Variants in C1QL1 observed in about 807,000 individuals in gnomAD.
The protein encoded by C1QL1 is C1q-related factor.
Under a neutral mutation model 14.2 loss-of-function variants are expected in C1QL1, and 15 were observed. The ratio of observed to expected loss-of-function variants is 1.06; its 90% CI spans 0.71 to 1.62. The LOEUF (loss-of-function observed/expected upper bound fraction) is 1.62, where lower values mean the gene tolerates loss of function less well. Among genes scored for constraint, C1QL1 ranks in the 40% most tolerant of loss-of-function variants. The probability of loss-of-function intolerance (pLI) is 0.00; values close to 1 mark genes in which losing one functional copy is unlikely to be tolerated. For missense variants in C1QL1, 346 were observed against 380.3 expected, an observed-to-expected ratio of 0.91 and a Z score of 0.75; for synonymous variants, 172 against 172.4, an observed-to-expected ratio of 1.00 and a Z score of 0.02.
At position 44,967,863 on chromosome 17, in the gene C1QL1, G is replaced by A; in HGVS notation, c.186C>T (p.Ser62=). 1 of 1,318,670 alleles carries A rather than the reference G, an allele frequency of 7.6e-7. No homozygotes were observed. Among genetic ancestry groups the A allele is most frequent in the Non-Finnish European group, 9.6e-7 (1 of 1,044,422 alleles). The allele number at this position is 1,318,670 out of a possible 1,614,324, so 81.7% of individuals were successfully genotyped here. Reference sequence around the variant, plus strand: ...TCCCCTGGGGGCCCTGCACCAGCGTGGAAGGCGGGGGCGCGCCGCTCTGCT... The same window carrying A: ...TCCCCTGGGGGCCCTGCACCAGCGTAGAAGGCGGGGGCGCGCCGCTCTGCT... ...LSEQSGAPPP[S]TLVQGPQGKP... The change falls in exon 1 of 2, where the codon TCC becomes TCT. Residue 62 remains serine (S), a synonymous_variant. Coordinates refer to ENST00000253407, the MANE Select transcript of C1QL1 (RefSeq NM_006688.5). The surrounding 1 kb of genome is among the most constrained non-coding windows in gnomAD (Gnocchi z 7.0).
rs779479035 is a variant in C1QL1, at chr17:44,967,442, C to A, written c.597+10G>T. The A allele has an allele frequency of 6.2e-7, 1 of 1,612,212 alleles. No individual in the cohort carries two copies. The highest frequency in any genetic ancestry group is 8.5e-7 in the Non-Finnish European group (1 of 1,179,302). ...GGCCCAGCCCAGCCCCATGCCCCCG[C>A]CTGGCCCACCTGGCCATTCTTGCAG... is the stretch of plus-strand genomic sequence containing the variant. On this transcript the variant is annotated intron_variant, in intron 1 of 1. Coordinates refer to ENST00000253407, the MANE Select transcript of C1QL1 (RefSeq NM_006688.5). This position sits in a 1 kb window ranked among gnomAD's most constrained non-coding sequence, Gnocchi z 7.0.
At position 44,967,532 on chromosome 17, in the gene C1QL1, T is replaced by G; in HGVS notation, c.517A>C (p.Thr173Pro). The change falls in exon 1 of 2, where the codon ACC becomes CCC. Residue 173 changes from threonine (T) to proline (P), a missense_variant. Physicochemically the swap from Thr to Pro is conservative, Grantham distance 38. Transcript: ENST00000253407. This position sits in a 1 kb window ranked among gnomAD's most constrained non-coding sequence, Gnocchi z 7.0. ...SGKFTCNIPG[T>P]YFFTYHVLMR... The stretch of plus-strand genomic sequence containing the variant: ...AGGACATGGTAGGTGAAAAAGTAGG[T>G]GCCGGGAATGTTGCACGTAAACTTG... 15 of 1,614,010 alleles carry G rather than the reference T, an allele frequency of 9.3e-6. No individual in the cohort carries two copies. Among genetic ancestry groups the G allele is most frequent in the Non-Finnish European group, 1.3e-5 (15 of 1,179,932 alleles).
chr17:44,963,229 G>C (rs1224163962), intron 1 of C1QL1, among the ~76,000 whole-genome samples: 1 of 152,180 alleles, frequency 6.6e-6, no homozygotes, highest in Non-Finnish European at 1.5e-5. Context: ...ATCAATGCTG[G>C]GGTCTTGGGT....
chr17:44,960,657 G>A (rs540301090), intron 1 of C1QL1, among the ~76,000 whole-genome samples: 1 of 152,206 alleles, frequency 6.6e-6, no homozygotes, highest in Non-Finnish European at 1.5e-5. Context: ...CCCTCCAGCT[G>A]GCTGAGAACC....
chr17:44,963,820 T>C (rs2052641345), intron 1 of C1QL1, among the ~76,000 whole-genome samples: 1 of 152,190 alleles, frequency 6.6e-6, no homozygotes, highest in African/African-American at 2.4e-5. Context: ...CCATTGGTGA[T>C]ACTCACCTCC....
chr17:44,967,565 C>A lies in C1QL1; in HGVS notation c.484G>T (p.Ala162Ser). The A allele has an allele frequency of 1.2e-6, 2 of 1,614,118 alleles. No homozygotes were observed. Among genetic ancestry groups the A allele is most frequent in the Middle Eastern group, 1.6e-4 (1 of 6,062 alleles). ...VTNLGNNYDAASGKFTCNIPG... is the reference protein window; with the variant it reads ...VTNLGNNYDASSGKFTCNIPG... ...ATGTTGCACGTAAACTTGCCGCTGGCCGCGTCGTAGTTGTTGCCTAGGTTG... is the reference window on the plus strand; with the variant it reads ...ATGTTGCACGTAAACTTGCCGCTGGACGCGTCGTAGTTGTTGCCTAGGTTG... Residue 162 changes from alanine (A) to serine (S), a missense_variant, in exon 1 of 2, where the codon GCC becomes TCC. Ala to Ser is a moderately conservative substitution (Grantham distance 99). Transcript: ENST00000253407. The surrounding 1 kb of genome is among the most constrained non-coding windows in gnomAD (Gnocchi z 7.0).
intron 1 of C1QL1, among the ~76,000 whole-genome samples, chr17:44,961,872 G>T (rs1360908517): frequency 7.1e-6 from 1 of 140,444 alleles, no homozygotes; most frequent in Non-Finnish European, 1.5e-5. Context: ...CGGCCTGGGC[G>T]ACAGAGCGAG....
chr17:44,960,525 A>G (rs1296992526), intron 1 of C1QL1, among the ~76,000 whole-genome samples, 158 bp from the exon 2 acceptor site: 1 of 152,158 alleles, frequency 6.6e-6, no homozygotes, highest in African/African-American at 2.4e-5. Flanking sequence ...CCCCCTTCCA[A>G]TCATACAGGA....
chr17:44,960,442 T>A, intron 1 of C1QL1, 75 bp from the exon 2 acceptor site: 1 of 1,066,542 alleles, frequency 9.4e-7, no homozygotes, highest in Non-Finnish European at 1.4e-6. Flanking sequence ...GGCAGTCCCG[T>A]GGGGGAGGAT....
chr17:44,968,138 T>A lies in C1QL1; in HGVS notation c.-90A>T. 1 of 825,416 alleles carries A rather than the reference T, an allele frequency of 1.2e-6. No homozygotes were observed. Among genetic ancestry groups the A allele is most frequent in the Non-Finnish European group, 1.6e-6 (1 of 643,958 alleles). The allele number at this position is 825,416 out of a possible 1,614,324, so 51.1% of individuals were successfully genotyped here. A position where few individuals can be genotyped will look rare whatever the true frequency, so the allele number is the denominator to read the frequency against. On this transcript the variant is annotated 5_prime_UTR_variant, in exon 1 of 2. Transcript: ENST00000253407. ...CCGCCCGGCCGCGCCGTCGGGGCAA[T>A]GGTGCCGGCGGGCAGGGGGCGCGGG... is the stretch of plus-strand genomic sequence containing the variant.
In C1QL1 at chr17:44,967,668, C is replaced by T. The variant is rs775508327; in HGVS notation, c.381G>A (p.Val127=). Residue 127 remains valine (V), a synonymous_variant, in exon 1 of 2, where the codon GTG becomes GTA. Transcript: ENST00000253407. The surrounding 1 kb of genome is among the most constrained non-coding windows in gnomAD (Gnocchi z 7.0). ...GGCCGGCGTAGAAGGCCACGCGCGG[C>T]ACCGTGGTGTAGGTGGCAGTGCTGA... ...GAISTATYTT[V]PRVAFYAGLK... 4.3e-6 allele frequency: 7 copies of T among 1,613,112 alleles called. No individual in the cohort carries two copies. The highest frequency in any genetic ancestry group is 5.9e-6 in the Non-Finnish European group (7 of 1,179,764).
chr17:44,961,912 G>T (rs5820555), intron 1 of C1QL1, among the ~76,000 whole-genome samples: 1 of 96,596 alleles, frequency 1.0e-5, no homozygotes, highest in South Asian at 3.3e-4. Flanking sequence ...AAAAAAAAAA[G>T]AGAGAGAGAG....
At chr17:44,964,553 TG>T (rs1451931335) in intron 1 of C1QL1, among the ~76,000 whole-genome samples, 1 of 152,230 alleles carries the variant, frequency 6.6e-6, no homozygotes, top group Non-Finnish European at 1.5e-5. Flanking sequence ...AGTCATCAGC[TG>T]GGCTCCCAGC....
At chr17:44,961,460 G>A (rs2052626497) in intron 1 of C1QL1, among the ~76,000 whole-genome samples, 1 of 152,070 alleles carries the variant, frequency 6.6e-6, no homozygotes, top group African/African-American at 2.4e-5. Context: ...TAGGCATAGT[G>A]GCACGCCTGT....
At position 44,960,226 on chromosome 17, in the gene C1QL1, ATTTG is replaced by A. The variant is rs776411418; in HGVS notation, c.735_738del (p.Lys246ThrfsTer65). 1 of 1,613,974 alleles carries A rather than the reference ATTTG, an allele frequency of 6.2e-7. No individual in the cohort carries two copies. Among genetic ancestry groups the A allele is most frequent in the Non-Finnish European group, 8.5e-7 (1 of 1,180,004 alleles). ...ATGATGAAGCCAGAGAACGTGCTGT[ATTTG>A]TTGCTGTTGCCGCCGTGTGCTTTGC... On this transcript the variant is annotated frameshift_variant, in exon 2 of 2. Transcript: ENST00000253407. LOFTEE classifies it high-confidence loss of function.
chr17:44,964,199 C>T (rs2052643947), intron 1 of C1QL1, among the ~76,000 whole-genome samples: 1 of 152,174 alleles, frequency 6.6e-6, no homozygotes, highest in Non-Finnish European at 1.5e-5. Context: ...TTCAGCTCTG[C>T]CTCCCTAAAG....
rs1273634869 is a variant in C1QL1, at chr17:44,967,588, T to A, written c.461A>T (p.Asn154Ile). Residue 154 changes from asparagine to isoleucine, a missense_variant, in exon 1 of 2, where the codon AAC becomes ATC. Coordinates refer to ENST00000253407, the MANE Select transcript of C1QL1 (RefSeq NM_006688.5). This position sits in a 1 kb window ranked among gnomAD's most constrained non-coding sequence, Gnocchi z 7.0. ...EVLKFDDVVT[N>I]LGNNYDAASG... ...GGCCGCGTCGTAGTTGTTGCCTAGG[T>A]TGGTGACCACGTCGTCAAACTTGAG... 3 of 1,613,938 alleles carry A rather than the reference T, an allele frequency of 1.9e-6. No individual in the cohort carries two copies.
intron 1 of C1QL1, among the ~76,000 whole-genome samples, chr17:44,966,366 A>C: frequency 6.6e-6 from 1 of 152,214 alleles, no homozygotes. Flanking sequence ...CTTGTATCTT[A>C]ATCGTGAGAG....
chr17:44,963,930 A>G (rs1226064279), intron 1 of C1QL1, among the ~76,000 whole-genome samples: 1 of 151,782 alleles, frequency 6.6e-6, no homozygotes, highest in Non-Finnish European at 1.5e-5. Flanking sequence ...GTCCTCTCCA[A>G]CCCACCTGAA....
Sources: gnomAD v4.1 joint callset for allele counts (sites outside exome capture counted in the v4.1 genomes callset) on GRCh38, gnomAD v4.1.1 for gene constraint, Gnocchi (gnomAD v3.1) non-coding constraint, MANE v1.5 for transcripts, NCBI Gene and HGNC (gene_info 2026-07-23, HGNC 2026-07-21) for gene names.